GLIPR1L2: variants seen among roughly 807,000 people sequenced by gnomAD.
GLIPR1L2 encodes the protein GLIPR1 like 2, also known as GLIPR1-like protein 2.
A neutral mutation model predicts 28.4 loss-of-function variants in GLIPR1L2; 21 were observed. The ratio of observed to expected loss-of-function variants is 0.74; its 90% CI spans 0.52 to 1.06. The LOEUF (loss-of-function observed/expected upper bound fraction) is 1.06. GLIPR1L2 is among the 50% of genes least tolerant of loss of function. GLIPR1L2 has a pLI of 0.00. For synonymous variants in GLIPR1L2, 145 were observed against 139.3 expected (o/e 1.04, Z -0.29); for missense variants, 476 against 416.9 (o/e 1.14, Z -1.23).
At chr12:75,425,336 C>A (rs1351719137) in intron 4 of GLIPR1L2, among the ~76,000 whole-genome samples, 1 of 152,052 alleles carries the variant, frequency 6.6e-6, no homozygotes, top group Non-Finnish European at 1.5e-5. Context: ...GAAGAGATTT[C>A]AGAACCTAAG....
intron 2 of GLIPR1L2, among the ~76,000 whole-genome samples, chr12:75,411,455 T>A (rs2045866440): frequency 6.6e-6 from 1 of 151,900 alleles, no homozygotes; most frequent in Non-Finnish European, 1.5e-5. Flanking sequence ...GTCTTTCTCT[T>A]TCATCCAATC....
At chr12:75,413,505 A>G (rs2045892361) in intron 2 of GLIPR1L2, 93 bp from the exon 3 acceptor site, 1 of 702,738 alleles carries the variant, frequency 1.4e-6, no homozygotes, top group African/African-American at 1.9e-5. Context: ...GCTTGGTGAA[A>G]AGTTCTATGT....
rs1417881193 is a variant in GLIPR1L2, at chr12:75,422,956, G to A, written c.637G>A (p.Gly213Ser). ...ACCAGGAATATTTTGTACTCGATGT[G>A]GCAGACGTGACAAATGCACAGATTT... is the stretch of plus-strand genomic sequence containing the variant. ...YEPGIFCTRCGRRDKCTDFLC... is the reference protein window; with the variant it reads ...YEPGIFCTRCSRRDKCTDFLC... Residue 213 changes from glycine (G) to serine (S), a missense_variant, in exon 4 of 6, where the codon GGC becomes AGC. Gly to Ser is a moderately conservative substitution (Grantham distance 56, BLOSUM62 0). Transcript: ENST00000550916. 1.2e-6 allele frequency: 2 copies of A among 1,612,840 alleles called. No homozygotes were observed. Among genetic ancestry groups the A allele is most frequent in the South Asian group, 2.2e-5 (2 of 90,822 alleles).
chr12:75,415,721 T>C (rs1382263253), intron 3 of GLIPR1L2, among the ~76,000 whole-genome samples: 1 of 152,132 alleles, frequency 6.6e-6, no homozygotes, highest in Non-Finnish European at 1.5e-5. Context: ...CTGAGCCATG[T>C]GTTGTCTCTT....
At chr12:75,408,941 T>C (rs2045832894) in intron 1 of GLIPR1L2, among the ~76,000 whole-genome samples, 1 of 151,978 alleles carries the variant, frequency 6.6e-6, no homozygotes, top group Non-Finnish European at 1.5e-5. Context: ...AGTAGGGAGA[T>C]ATTCTAAAGG....
chr12:75,410,594 T>G lies in GLIPR1L2; in HGVS notation c.395T>G (p.Ile132Ser), dbSNP rs766693613. The G allele has an allele frequency of 1.2e-5, 20 of 1,612,244 alleles. No individual in the cohort carries two copies. Among genetic ancestry groups the G allele is most frequent in the Non-Finnish European group, 1.6e-5 (19 of 1,178,898 alleles). Reference sequence around the variant, plus strand: ...CCTGAAAATGAATTTACTGCAAGTATTGCTATCAGAAGTTGGCATGCAGAG... The same window carrying G: ...CCTGAAAATGAATTTACTGCAAGTAGTGCTATCAGAAGTTGGCATGCAGAG... The part of the protein sequence containing the change: ...VGPENEFTAS[I>S]AIRSWHAEKK... Residue 132 changes from isoleucine (I) to serine (S), a missense_variant, in exon 2 of 6, where the codon ATT (isoleucine) becomes AGT (serine). Transcript: ENST00000550916.
intron 1 of GLIPR1L2, among the ~76,000 whole-genome samples, chr12:75,392,768 A>G (rs746033871): frequency 3.9e-5 from 6 of 152,056 alleles, no homozygotes; most frequent in Admixed American, 1.3e-4. Flanking sequence ...TAAGGTATAT[A>G]AAATAATATA....
chr12:75,418,354 A>G (rs1359327529), intron 3 of GLIPR1L2, among the ~76,000 whole-genome samples: 3 of 152,220 alleles, frequency 2.0e-5, no homozygotes. Context: ...AAGTGAAGTC[A>G]TGAAAGCTAT....
chr12:75,409,034 C>G (rs1347566911), intron 1 of GLIPR1L2, among the ~76,000 whole-genome samples: 1 of 151,992 alleles, frequency 6.6e-6, no homozygotes, highest in Non-Finnish European at 1.5e-5. Flanking sequence ...CTTGTTCAAT[C>G]TGTGGCCTTC....
intron 3 of GLIPR1L2, among the ~76,000 whole-genome samples, chr12:75,414,592 C>A (rs1328338675): frequency 6.6e-6 from 1 of 152,068 alleles, no homozygotes; most frequent in African/African-American, 2.4e-5. Flanking sequence ...GTCTTGCTAA[C>A]TTTGAATATA....
rs1355474782 is a variant in GLIPR1L2, at chr12:75,410,687, A to G, written c.480+8A>G. On this transcript the variant is annotated splice_region_variant and intron_variant, in intron 2 of 5. Coordinates refer to ENST00000550916, the MANE Select transcript of GLIPR1L2 (RefSeq NM_001270396.2). ...TGTTCTAATTATATTCAGGTATGTA[A>G]TTTTTATTTTGTTATTAATTCAAAC... 1.3e-6 allele frequency: 2 copies of G among 1,567,252 alleles called. No homozygotes were observed. The highest frequency in any genetic ancestry group is 1.7e-6 in the Non-Finnish European group (2 of 1,154,164).
Position 75,422,954 on chromosome 12 carries a change from G to A in GLIPR1L2, c.635G>A (p.Cys212Tyr). 1 of 1,612,858 alleles carries A rather than the reference G, an allele frequency of 6.2e-7. No homozygotes were observed. The highest frequency in any genetic ancestry group is 8.5e-7 in the Non-Finnish European group (1 of 1,179,548). ...PYEPGIFCTR[C>Y]GRRDKCTDFL... ...GAACCAGGAATATTTTGTACTCGAT[G>A]TGGCAGACGTGACAAATGCACAGAT... The change falls in exon 4 of 6, where the codon TGT becomes TAT. Residue 212 changes from cysteine to tyrosine, a missense_variant. By Grantham distance (194) the Cys-to-Tyr change is radical. Coordinates refer to ENST00000550916, the MANE Select transcript of GLIPR1L2 (RefSeq NM_001270396.2).
Position 75,430,903 on chromosome 12 carries a change from G to A in GLIPR1L2, c.777G>A (p.Leu259=). 6.5e-7 allele frequency: 1 copy of A among 1,535,830 alleles called. No homozygotes were observed. The highest frequency in any genetic ancestry group is 1.4e-5 in the African/African-American group (1 of 73,120). Residue 259 remains leucine, a synonymous_variant, in exon 6 of 6, where the codon TTG becomes TTA. Coordinates refer to ENST00000550916, the MANE Select transcript of GLIPR1L2 (RefSeq NM_001270396.2). ...CACTGTGCACATTCATTTTATTATT[G>A]AGAATATTATGTTTTATCCTGTGTG... ...CDPLCTFILL[L]RILCFILCVI...
At position 75,430,862 on chromosome 12, in the gene GLIPR1L2, C is replaced by G; in HGVS notation, c.736C>G (p.Pro246Ala). The G allele has an allele frequency of 6.5e-7, 1 of 1,535,242 alleles. No homozygotes were observed. Among genetic ancestry groups the G allele is most frequent in the Non-Finnish European group, 8.7e-7 (1 of 1,146,254 alleles). The change falls in exon 6 of 6, where the codon CCA (proline) becomes GCA (alanine). Residue 246 changes from proline to alanine, a missense_variant. Physicochemically the swap from Pro to Ala is conservative, Grantham distance 27. Coordinates refer to ENST00000550916, the MANE Select transcript of GLIPR1L2 (RefSeq NM_001270396.2). ...GTATCCAAAATGGGAAATGCCCCGG[C>G]CAGTTGTGTGTGATCCACTGTGCAC... ...FWYPKWEMPRPVVCDPLCTFI... is the reference protein window; with the variant it reads ...FWYPKWEMPRAVVCDPLCTFI...
chr12:75,414,127 T>G (rs887319687), intron 3 of GLIPR1L2, among the ~76,000 whole-genome samples: 1 of 152,038 alleles, frequency 6.6e-6, no homozygotes, highest in Non-Finnish European at 1.5e-5. Context: ...CATTATTAAC[T>G]GGGACCTGTC....
chr12:75,402,604 A>T (rs2045754540), intron 1 of GLIPR1L2, among the ~76,000 whole-genome samples: 1 of 152,138 alleles, frequency 6.6e-6, no homozygotes, highest in African/African-American at 2.4e-5. Flanking sequence ...CAGTTTCCAA[A>T]ATCAGTGTTA....
In GLIPR1L2 at chr12:75,432,591, T is replaced by C. The variant is rs989845465; in HGVS notation, c.*1430T>C. The C allele has an allele frequency of 6.6e-6, 1 of 151,998 alleles. No homozygotes were observed. The highest frequency in any genetic ancestry group is 6.6e-5 in the Admixed American group (1 of 15,266). 9.4% of individuals were successfully genotyped at this position (151,998 alleles called of 1,614,324 possible). On this transcript the variant is annotated 3_prime_UTR_variant, in exon 6 of 6. Coordinates refer to ENST00000550916, the MANE Select transcript of GLIPR1L2 (RefSeq NM_001270396.2). ...TGGTATAAATGCTATGTGTATTTAC[T>C]CTGTTGTTCTTTAGTTGTATCAATA...
At position 75,405,326 on chromosome 12, in the gene GLIPR1L2, G is replaced by A. The variant is rs183747581; in HGVS notation, c.235-5108G>A. 2.2e-4 allele frequency among the ~76,000 whole-genome samples: 33 copies of A among 152,272 alleles called. No homozygotes were observed. The East Asian group carries it at 2.9e-3, about 13-fold the overall frequency. On this transcript the variant is annotated intron_variant, in intron 1 of 5. Coordinates refer to ENST00000550916, the MANE Select transcript of GLIPR1L2 (RefSeq NM_001270396.2). The stretch of plus-strand genomic sequence containing the variant: ...GTTACTACTGTTACTGCTTGAGACC[G>A]TCATTACAAGACTGAACAGAGGACA...
intron 2 of GLIPR1L2, among the ~76,000 whole-genome samples, chr12:75,412,184 T>A (rs191282812): frequency 6.6e-6 from 1 of 152,160 alleles, no homozygotes; most frequent in Non-Finnish European, 1.5e-5. Flanking sequence ...AAAAACTTTT[T>A]CTCCTCTTTC....
Sources: gnomAD v4.1 joint callset for allele counts (sites outside exome capture counted in the v4.1 genomes callset) on GRCh38, gnomAD v4.1.1 for gene constraint, MANE v1.5 for transcripts, NCBI Gene and HGNC (gene_info 2026-07-23, HGNC 2026-07-21) for gene names.